The following HNRNPA2B1 variants were observed in gnomAD, a reference collection of about 807,000 sequenced individuals.
HNRNPA2B1 encodes the protein heterogeneous nuclear ribonucleoproteins A2/B1.
A neutral mutation model predicts 46.3 loss-of-function variants in HNRNPA2B1; 3 were observed. The observed-to-expected ratio is 0.06, with a 90% CI of 0.03 to 0.17. The LOEUF (loss-of-function observed/expected upper bound fraction) is 0.17, where lower values mean the gene tolerates loss of function less well. Ranked by LOEUF, HNRNPA2B1 falls within the 10% of genes least tolerant of loss-of-function variation. The pLI, the probability that HNRNPA2B1 is intolerant of heterozygous loss-of-function variation, is 1.00. For missense variants in HNRNPA2B1, 221 were observed against 418.9 expected, an observed-to-expected ratio of 0.53 and a Z score of 4.12; for synonymous variants, 225 against 133.8, an observed-to-expected ratio of 1.68 and a Z score of -4.70.
At chr7:26,197,761 T>C (rs1293406316) in intron 1 of HNRNPA2B1, 29 bp from the exon 2 acceptor site, 5 of 1,599,526 alleles carry the variant, frequency 3.1e-6, no homozygotes, top group Non-Finnish European at 4.3e-6. Flanking sequence ...TTTCAATTTT[T>C]ATTTACATTT....
intron 9 of HNRNPA2B1, 51 bp downstream of exon 9, chr7:26,193,200 G>A: frequency 6.4e-7 from 1 of 1,562,214 alleles, no homozygotes; most frequent in Non-Finnish European, 8.8e-7. Context: ...GTCACAAAAG[G>A]CTAATCCTTT....
intron 6 of HNRNPA2B1, 54 bp from the exon 7 acceptor site, chr7:26,195,963 C>T (rs1434167218): frequency 1.1e-5 from 17 of 1,543,614 alleles, no homozygotes; most frequent in African/African-American, 8.4e-5. Context: ...AGCATTATTG[C>T]TAATATTCAT....
intron 7 of HNRNPA2B1, among the ~76,000 whole-genome samples, chr7:26,194,129 C>T (rs1299664206): frequency 2.6e-5 from 4 of 152,196 alleles, no homozygotes; most frequent in Non-Finnish European, 5.9e-5. Flanking sequence ...GGCACAGTGG[C>T]TCATGCCTGT....
chr7:26,196,517 T>C (rs767189770), intron 5 of HNRNPA2B1, 36 bp from the exon 6 acceptor site: 18 of 1,612,862 alleles, frequency 1.1e-5, no homozygotes, highest in Admixed American at 3.3e-5. Context: ...CAAGCCCTTA[T>C]ATATGAACAA....
chr7:26,193,761 C>A (rs1409595899), intron 7 of HNRNPA2B1, 67 bp from the exon 8 acceptor site: 18 of 1,300,448 alleles, frequency 1.4e-5, no homozygotes, highest in Non-Finnish European at 3.3e-6. Context: ...TGTCTCCTCA[C>A]ATCCATTTCC....
chr7:26,194,759 A>G (rs532103584), intron 7 of HNRNPA2B1, among the ~76,000 whole-genome samples: 2 of 151,950 alleles, frequency 1.3e-5, no homozygotes, highest in Non-Finnish European at 2.9e-5. Context: ...GTGCGGACAT[A>G]AACAAAAATT....
intron 10 of HNRNPA2B1, 44 bp downstream of exon 10, chr7:26,192,451 G>A (rs1230610410): frequency 1.5e-6 from 2 of 1,306,908 alleles, no homozygotes; most frequent in African/African-American, 1.5e-5. Context: ...CTGCAGCTAT[G>A]TCTCCCAAGA....
intron 4 of HNRNPA2B1, 29 bp downstream of exon 4, chr7:26,196,778 A>T: frequency 6.3e-7 from 1 of 1,598,674 alleles, no homozygotes; most frequent in African/African-American, 1.3e-5. Flanking sequence ...CACTGGAAAA[A>T]AACAGTACAT....
At chr7:26,200,300 T>C in intron 1 of HNRNPA2B1, 1 of 524,080 alleles carries the variant, frequency 1.9e-6, no homozygotes, top group Admixed American at 3.4e-5. Context: ...CGCGCCCCAC[T>C]TTCACCCCAG....
At chr7:26,199,546 T>C (rs1003406053) in intron 1 of HNRNPA2B1, 1 of 152,212 alleles carries the variant, frequency 6.6e-6, no homozygotes, top group Non-Finnish European at 1.5e-5. Context: ...AACTTCTCAG[T>C]AACAACATTA....
intron 4 of HNRNPA2B1, 39 bp downstream of exon 4, chr7:26,196,768 C>G (rs1204666056): frequency 6.9e-6 from 11 of 1,585,080 alleles, no homozygotes; most frequent in Non-Finnish European, 7.8e-6. Context: ...AAATTGAATA[C>G]ACTGGAAAAA....
intron 7 of HNRNPA2B1, 164 bp downstream of exon 7, chr7:26,195,683 G>T: frequency 1.5e-6 from 1 of 688,132 alleles, no homozygotes; most frequent in Non-Finnish European, 2.4e-6. Flanking sequence ...GGCTATAACA[G>T]CTAAGATGGC....
intron 7 of HNRNPA2B1, among the ~76,000 whole-genome samples, chr7:26,194,070 T>C (rs371251551): frequency 1.5e-3 from 224 of 152,334 alleles, no homozygotes; most frequent in South Asian, 0.013. Flanking sequence ...ATAAAGTTTC[T>C]ATTATGTCTC....
At chr7:26,193,517 G>C in intron 8 of HNRNPA2B1, 58 bp downstream of exon 8, 2 of 1,553,922 alleles carry the variant, frequency 1.3e-6, no homozygotes, top group Non-Finnish European at 1.7e-6. Flanking sequence ...AAAAGATCAA[G>C]TGTTACAAAG....
At position 26,195,841 on chromosome 7, in the gene HNRNPA2B1, A is replaced by G; in HGVS notation, c.721+6T>C. 4 of 1,609,590 alleles carry G rather than the reference A, an allele frequency of 2.5e-6. No individual in the cohort carries two copies. The highest frequency in any genetic ancestry group is 3.4e-6 in the Non-Finnish European group (4 of 1,178,694). On this transcript the variant is annotated splice_donor_region_variant and intron_variant, in intron 7 of 10. Coordinates refer to ENST00000618183, the MANE Select transcript of HNRNPA2B1 (RefSeq NM_002137.4). ...TAAACAAACCAAAACGTAGAGGAAAACTGACCTCCAGGTCCTCCTCCATAC... is the reference window on the plus strand; with the variant it reads ...TAAACAAACCAAAACGTAGAGGAAAGCTGACCTCCAGGTCCTCCTCCATAC...
At position 26,189,940 on chromosome 7, in the gene HNRNPA2B1, G is replaced by T. The variant is rs190065646; in HGVS notation, c.*2420C>A. On this transcript the variant is annotated 3_prime_UTR_variant, in exon 11 of 11. Coordinates refer to ENST00000618183, the MANE Select transcript of HNRNPA2B1 (RefSeq NM_002137.4). ...AAACGCTGAATATACAGTGCATAAT[G>T]AACAGCATTTTATTGGGGACAGCCA... 1 of 152,140 alleles carries T rather than the reference G, an allele frequency of 6.6e-6. No homozygotes were observed. The highest frequency in any genetic ancestry group is 1.5e-5 in the Non-Finnish European group (1 of 68,018). 9.4% of individuals were successfully genotyped at this position (152,140 alleles called of 1,614,324 possible).
In HNRNPA2B1 at chr7:26,193,352, T is replaced by C. The variant is rs1783125359; in HGVS notation, c.863A>G (p.Tyr288Cys). 1 of 1,610,908 alleles carries C rather than the reference T, an allele frequency of 6.2e-7. No individual in the cohort carries two copies. Among genetic ancestry groups the C allele is most frequent in the Non-Finnish European group, 8.5e-7 (1 of 1,177,312 alleles). The part of the protein sequence containing the change: ...YGGGNYGSGN[Y>C]NDFGNYNQQP... The stretch of plus-strand genomic sequence containing the variant: ...CTGGTTATAATTTCCAAAATCATTG[T>C]AATTTCCACTTCCATAATTTCCTAT... The change falls in exon 9 of 11, where the codon TAC becomes TGC. Residue 288 changes from tyrosine (Y) to cysteine (C), a missense_variant. Physicochemically the swap from Tyr to Cys is radical, Grantham distance 194 (BLOSUM62 -2). Around this residue, in one of 2 missense-constraint regions of HNRNPA2B1, gnomAD observed 143 missense variants for 200.5 expected, o/e 0.71. Transcript: ENST00000618183.
chr7:26,197,509 A>G (rs908764920), intron 2 of HNRNPA2B1, 48 bp from the exon 3 acceptor site: 94 of 1,594,778 alleles, frequency 5.9e-5, no homozygotes, highest in Middle Eastern at 1.7e-4. Flanking sequence ...ATTATAGCTT[A>G]TAAGTGAAGT....
At chr7:26,195,971 C>G in intron 6 of HNRNPA2B1, 62 bp from the exon 7 acceptor site, 1 of 1,532,908 alleles carries the variant, frequency 6.5e-7, no homozygotes, top group Non-Finnish European at 8.7e-7. Flanking sequence ...TGCTAATATT[C>G]ATTTTCAGTT....
Sources: gnomAD v4.1 joint callset for allele counts (sites outside exome capture counted in the v4.1 genomes callset) on GRCh38, gnomAD v4.1.1 for gene constraint, gnomAD v4.1.1 regional missense constraint, MANE v1.5 for transcripts, NCBI Gene and HGNC (gene_info 2026-07-23, HGNC 2026-07-21) for gene names.